The following APPL2 variants were observed in gnomAD, a reference collection of about 807,000 sequenced individuals.
APPL2 encodes DCC-interacting protein 13-beta.
APPL2 carries 84 observed loss-of-function variants against 92.7 expected under a neutral mutation model. The ratio of observed to expected loss-of-function variants is 0.91; its 90% confidence interval spans 0.76 to 1.09. The LOEUF (loss-of-function observed/expected upper bound fraction) is 1.09, where lower values mean the gene tolerates loss of function less well. APPL2 is among the 50% of genes least tolerant of loss of function. The pLI is 0.00. For missense variants in APPL2, 736 were observed against 824.5 expected (o/e 0.89, Z 1.31); for synonymous variants, 291 against 291.0 (o/e 1.00, Z 0.00).
At position 105,206,849 on chromosome 12, in the gene APPL2, A is replaced by G. The variant is rs987147989; in HGVS notation, c.621+212T>C. On this transcript the variant is annotated intron_variant, in intron 8 of 20. Coordinates refer to ENST00000258530, the MANE Select transcript of APPL2 (RefSeq NM_018171.5). ...CTTGGGACCCAGGCCTCATTTCCTG[A>G]ACATATGGCCTAACTTGAGGCCAAT... 1.1e-5 allele frequency: 6 copies of G among 524,620 alleles called. No individual in the cohort carries two copies. In the African/African-American group the frequency reaches 1.2e-4, roughly 10 times the overall value. The allele number at this position is 524,620 out of a possible 1,614,324, so 32.5% of individuals were successfully genotyped here. A position where few individuals can be genotyped will look rare whatever the true frequency, so the allele number is the denominator to read the frequency against.
intron 1 of APPL2, among the ~76,000 whole-genome samples, chr12:105,233,940 T>C (rs1246092960): frequency 1.3e-5 from 2 of 152,330 alleles, no homozygotes; most frequent in East Asian, 3.9e-4. Flanking sequence ...ATGAAGGGGA[T>C]GGATTAGATT....
chr12:105,178,515 T>C (rs961820394), intron 17 of APPL2, among the ~76,000 whole-genome samples: 6 of 152,214 alleles, frequency 3.9e-5, no homozygotes, highest in African/African-American at 1.4e-4. Flanking sequence ...TTAAATTGTA[T>C]GTGAATTATA....
intron 2 of APPL2, among the ~76,000 whole-genome samples, chr12:105,224,943 T>C (rs1288266183): frequency 6.6e-6 from 1 of 152,154 alleles, no homozygotes; most frequent in Non-Finnish European, 1.5e-5. Flanking sequence ...TTTACCCCAA[T>C]TTGAGAAAAT....
chr12:105,226,292 C>T (rs1424637311), intron 2 of APPL2, among the ~76,000 whole-genome samples: 1 of 152,230 alleles, frequency 6.6e-6, no homozygotes, highest in Admixed American at 6.5e-5. Flanking sequence ...AATCTGAACA[C>T]AGCTGATCAC....
At chr12:105,181,910 C>A (rs1485840759) in intron 17 of APPL2, among the ~76,000 whole-genome samples, 2 of 152,132 alleles carry the variant, frequency 1.3e-5, no homozygotes, top group Non-Finnish European at 2.9e-5. Flanking sequence ...TTTCAAAAAA[C>A]CAGCTCCTGG....
At chr12:105,230,090 T>A (rs1030351535) in intron 1 of APPL2, among the ~76,000 whole-genome samples, 13 of 152,134 alleles carry the variant, frequency 8.5e-5, no homozygotes, top group Non-Finnish European at 2.9e-5. Context: ...TGCTTGTTTT[T>A]AATTATATTT....
At chr12:105,185,397 G>A (rs568436057) in intron 17 of APPL2, among the ~76,000 whole-genome samples, 4 of 152,304 alleles carry the variant, frequency 2.6e-5, no homozygotes, top group African/African-American at 9.6e-5. Context: ...GTAGGCACTC[G>A]ATGGAATCTC....
intron 4 of APPL2, among the ~76,000 whole-genome samples, chr12:105,214,535 T>G (rs1202169524): frequency 6.6e-6 from 1 of 152,258 alleles, no homozygotes; most frequent in Non-Finnish European, 1.5e-5. Context: ...AGCCACGCAG[T>G]GCATGTGATA....
intron 17 of APPL2, among the ~76,000 whole-genome samples, chr12:105,179,549 G>A (rs1209540862): frequency 6.6e-6 from 1 of 152,158 alleles, no homozygotes; most frequent in Non-Finnish European, 1.5e-5. Context: ...AGATCCTTGA[G>A]GAATCGCCAC....
intron 4 of APPL2, 142 bp downstream of exon 4, chr12:105,216,927 A>G: frequency 1.6e-6 from 1 of 609,728 alleles, no homozygotes; most frequent in South Asian, 2.1e-5. Flanking sequence ...CTCTCCTAGG[A>G]AAGGAGCTTT....
At chr12:105,235,673 G>A (rs1380889191) in intron 1 of APPL2, among the ~76,000 whole-genome samples, 1 of 152,192 alleles carries the variant, frequency 6.6e-6, no homozygotes, top group Non-Finnish European at 1.5e-5. Flanking sequence ...TGGAATCAAA[G>A]TTTAGATCTC....
chr12:105,198,264 T>C (rs1380009924), intron 10 of APPL2, among the ~76,000 whole-genome samples: 1 of 152,174 alleles, frequency 6.6e-6, no homozygotes, highest in African/African-American at 2.4e-5. Context: ...CATTAAGGAC[T>C]GAACACCTGG....
At chr12:105,221,787 C>T (rs914303302) in intron 2 of APPL2, among the ~76,000 whole-genome samples, 1 of 152,258 alleles carries the variant, frequency 6.6e-6, no homozygotes, top group Non-Finnish European at 1.5e-5. Flanking sequence ...TCAACAGAAC[C>T]TCCCGGGGCT....
intron 17 of APPL2, 57 bp from the exon 18 acceptor site, chr12:105,177,319 G>T: frequency 6.5e-7 from 1 of 1,547,964 alleles, no homozygotes; most frequent in Non-Finnish European, 8.9e-7. Flanking sequence ...AATATTCCTA[G>T]AAGAGTTTGT....
At position 105,200,831 on chromosome 12, in the gene APPL2, CGTATGTATGTATGTAT is replaced by C. The variant is rs67064501; in HGVS notation, c.705-1316_705-1301del. Among the ~76,000 whole-genome samples, 56 of 144,504 alleles carry C rather than the reference CGTATGTATGTATGTAT, an allele frequency of 3.9e-4. 1 individual carries two copies. The South Asian group carries it at 0.012, about 31-fold the overall frequency. 94.8% of individuals were successfully genotyped at this position (144,504 alleles called of 152,430 possible). ...ACATTCCATATTCCCCCACTCTCTA[CGTATGTATGTATGTAT>C]GTATGTATGTATGTATGTATCTATC... is the stretch of plus-strand genomic sequence containing the variant. On this transcript the variant is annotated intron_variant, in intron 9 of 20. Transcript: ENST00000258530.
At chr12:105,187,777 C>A (rs886195458) in intron 17 of APPL2, among the ~76,000 whole-genome samples, 2 of 152,120 alleles carry the variant, frequency 1.3e-5, no homozygotes, top group African/African-American at 4.8e-5. Flanking sequence ...GCTGCAGATG[C>A]TACCTGTGGC....
chr12:105,199,301 G>C (rs975305618), intron 10 of APPL2, 72 bp downstream of exon 10: 4 of 1,541,730 alleles, frequency 2.6e-6, no homozygotes, highest in African/African-American at 1.4e-5. Flanking sequence ...AATGAGGCAC[G>C]TAAGATTGCT....
At chr12:105,177,319 G>C in intron 17 of APPL2, 57 bp from the exon 18 acceptor site, 1 of 1,547,968 alleles carries the variant, frequency 6.5e-7, no homozygotes, top group Non-Finnish European at 8.9e-7. Context: ...AATATTCCTA[G>C]AAGAGTTTGT....
Position 105,217,571 on chromosome 12 carries a change from C to T in APPL2, c.213+95G>A, listed in dbSNP as rs1480399564. Reference sequence around the variant, plus strand: ...CAAAAAAACTATGAAGAAAATGAAACAAATAATTTAGGTCTCTAAGGATGC... The same window carrying T: ...CAAAAAAACTATGAAGAAAATGAAATAAATAATTTAGGTCTCTAAGGATGC... On this transcript the variant is annotated intron_variant, in intron 3 of 20. Transcript: ENST00000258530. 3.3e-6 allele frequency: 4 copies of T among 1,208,788 alleles called. No individual in the cohort carries two copies. The Admixed American group carries it at 8.8e-5, about 27-fold the overall frequency. 74.9% of individuals were successfully genotyped at this position (1,208,788 alleles called of 1,614,324 possible).
Sources: allele counts gnomAD v4.1 joint callset (sites outside exome capture counted in the v4.1 genomes callset), GRCh38; gene constraint gnomAD v4.1.1; transcripts MANE v1.5; gene names NCBI Gene and HGNC (gene_info 2026-07-23, HGNC 2026-07-21).